Variants in POP1 observed in about 807,000 individuals in gnomAD.
POP1 encodes the protein POP1 ribonuclease P/MRP subunit.
Under a neutral mutation model 102.2 loss-of-function variants are expected in POP1, and 75 were observed. That is an observed-to-expected ratio of 0.73 (90% CI 0.61 to 0.89). POP1 has a LOEUF of 0.89. Among genes scored for constraint, POP1 ranks in the 40% least tolerant of loss-of-function variants. The probability of loss-of-function intolerance (pLI) is 0.00; values close to 1 mark genes in which losing one functional copy is unlikely to be tolerated. For synonymous variants in POP1, 436 were observed against 464.1 expected (o/e 0.94, Z 0.78); for missense variants, 1,116 against 1,267.4 (o/e 0.88, Z 1.81).
chr8:98,131,007 TG>T (rs777690869), intron 5 of POP1, among the ~76,000 whole-genome samples: 2 of 152,390 alleles, frequency 1.3e-5, no homozygotes, highest in Admixed American at 6.5e-5. Context: ...AGTGGCAGAA[TG>T]GCCTTGGCCA....
At chr8:98,147,270 C>G (rs749291773) in intron 12 of POP1, among the ~76,000 whole-genome samples, 1 of 152,174 alleles carries the variant, frequency 6.6e-6, no homozygotes, top group Non-Finnish European at 1.5e-5. Context: ...GGCATTTGAA[C>G]TGACTCTCAG....
chr8:98,136,166 T>G (rs1056560655), intron 7 of POP1, among the ~76,000 whole-genome samples: 7 of 152,096 alleles, frequency 4.6e-5, no homozygotes, highest in African/African-American at 1.7e-4. Flanking sequence ...CTGCAACCTC[T>G]GCCTCCCAGG....
chr8:98,144,082 G>C (rs1816779538), intron 11 of POP1, among the ~76,000 whole-genome samples: 1 of 151,910 alleles, frequency 6.6e-6, no homozygotes. Context: ...CTTGAACCTG[G>C]GAGGCAGAGG....
chr8:98,157,084 C>A (rs1233363372), intron 15 of POP1, among the ~76,000 whole-genome samples: 2 of 151,766 alleles, frequency 1.3e-5, no homozygotes, highest in African/African-American at 4.8e-5. Flanking sequence ...ACCATGTTGG[C>A]CAGGCTGGTC....
At chr8:98,127,819 C>A in intron 3 of POP1, 57 bp downstream of exon 3, 1 of 1,555,632 alleles carries the variant, frequency 6.4e-7, no homozygotes, top group Non-Finnish European at 8.9e-7. Flanking sequence ...GTGTCTAGTG[C>A]AGCAACAAAC....
chr8:98,158,365 A>G lies in POP1; in HGVS notation c.*94A>G, dbSNP rs186955025. ...GAATCTGCTTCTGCTTTAAAATATC[A>G]TGTGAAACTCCCTGGAAACAAGAAT... On this transcript the variant is annotated 3_prime_UTR_variant, in exon 16 of 16. Coordinates refer to ENST00000401707, the MANE Select transcript of POP1 (RefSeq NM_001145860.2). 2.3e-4 allele frequency: 308 copies of G among 1,360,688 alleles called. No individual in the cohort carries two copies. The African/African-American group carries it at 3.7e-3, about 16-fold the overall frequency. The allele number at this position is 1,360,688 out of a possible 1,614,324, so 84.3% of individuals were successfully genotyped here.
intron 9 of POP1, among the ~76,000 whole-genome samples, chr8:98,138,628 CTG>C (rs527801302): frequency 9.4e-4 from 143 of 152,288 alleles, no homozygotes; most frequent in African/African-American, 3.2e-3. Context: ...TCTCATGAGA[CTG>C]TGAGCTTCAT....
At chr8:98,147,462 G>A (rs1809385448) in intron 12 of POP1, among the ~76,000 whole-genome samples, 1 of 152,196 alleles carries the variant, frequency 6.6e-6, no homozygotes, top group Admixed American at 6.5e-5. Flanking sequence ...CACAAATGGG[G>A]CTACAGCATG....
chr8:98,127,397 A>G (rs1405866347), intron 2 of POP1, among the ~76,000 whole-genome samples, 198 bp from the exon 3 acceptor site: 6 of 152,170 alleles, frequency 3.9e-5, no homozygotes, highest in African/African-American at 9.7e-5. Flanking sequence ...TGTGCTACCT[A>G]CTAGCTTTGT....
intron 7 of POP1, among the ~76,000 whole-genome samples, chr8:98,135,716 T>C (rs1338735164): frequency 1.3e-5 from 2 of 151,938 alleles, no homozygotes; most frequent in African/African-American, 2.4e-5. Flanking sequence ...AATTTTTTTT[T>C]CCCAGAGGGT....
intron 14 of POP1, among the ~76,000 whole-genome samples, chr8:98,152,518 C>T (rs1037347807): frequency 7.2e-5 from 11 of 152,344 alleles, no homozygotes; most frequent in South Asian, 4.1e-4. Flanking sequence ...AGAACGAGCA[C>T]GGCTGTGTTC....
At chr8:98,141,423 A>C (rs1301459429) in intron 11 of POP1, among the ~76,000 whole-genome samples, 2 of 152,148 alleles carry the variant, frequency 1.3e-5, no homozygotes, top group Non-Finnish European at 2.9e-5. Context: ...TTTTGTTCTG[A>C]TATGAGATTG....
rs1809716230 is a variant in POP1, at chr8:98,158,395, A to T, written c.*124A>T. 1.9e-6 allele frequency: 2 copies of T among 1,070,016 alleles called. No individual in the cohort carries two copies. The highest frequency in any genetic ancestry group is 1.4e-6 in the Non-Finnish European group (1 of 708,808). The allele number at this position is 1,070,016 out of a possible 1,614,324, so 66.3% of individuals were successfully genotyped here. On this transcript the variant is annotated 3_prime_UTR_variant, in exon 16 of 16. Coordinates refer to ENST00000401707, the MANE Select transcript of POP1 (RefSeq NM_001145860.2). Reference sequence around the variant, plus strand: ...AAACTCCCTGGAAACAAGAATAAAAAATTATGTATTATGCAGATGATGAAA... The same window carrying T: ...AAACTCCCTGGAAACAAGAATAAAATATTATGTATTATGCAGATGATGAAA...
intron 14 of POP1, among the ~76,000 whole-genome samples, chr8:98,151,092 G>T (rs370124962): frequency 0.05 from 6,447 of 128,766 alleles, 183 homozygotes; most frequent in Middle Eastern, 0.2. Flanking sequence ...CTGTTTGTTT[G>T]TTTGTTTTTT....
chr8:98,120,634 G>A (rs559896283), intron 1 of POP1, among the ~76,000 whole-genome samples: 1 of 150,276 alleles, frequency 6.7e-6, no homozygotes, highest in Admixed American at 6.6e-5. Flanking sequence ...ATCACACGTG[G>A]CTCATTTTTG....
chr8:98,149,356 T>A (rs1809457631), intron 13 of POP1, among the ~76,000 whole-genome samples: 1 of 152,240 alleles, frequency 6.6e-6, no homozygotes, highest in Admixed American at 6.5e-5. Flanking sequence ...GAATACTTTT[T>A]TTTTTGTTTT....
At chr8:98,150,418 C>G in intron 13 of POP1, 67 bp from the exon 14 acceptor site, 1 of 1,565,038 alleles carries the variant, frequency 6.4e-7, no homozygotes, top group Middle Eastern at 1.7e-4. Context: ...CATTTTCCCC[C>G]ATATAAACAT....
chr8:98,134,786 G>A, intron 7 of POP1, 127 bp downstream of exon 7: 2 of 1,000,840 alleles, frequency 2.0e-6, no homozygotes, highest in Non-Finnish European at 3.0e-6. Flanking sequence ...TATATGGGGG[G>A]CTCTATGATT....
chr8:98,131,603 C>T (rs971629069), intron 5 of POP1, among the ~76,000 whole-genome samples: 2 of 152,186 alleles, frequency 1.3e-5, no homozygotes, highest in Non-Finnish European at 2.9e-5. Flanking sequence ...TTTCAGTCCT[C>T]TTGAATATAT....
Sources: gnomAD v4.1 joint callset for allele counts (sites outside exome capture counted in the v4.1 genomes callset) on GRCh38, gnomAD v4.1.1 for gene constraint, MANE v1.5 for transcripts, NCBI Gene and HGNC (gene_info 2026-07-23, HGNC 2026-07-21) for gene names.